Variants in OLA1 observed in about 807,000 individuals in gnomAD.
The protein encoded by OLA1 is obg-like ATPase 1.
OLA1 carries 14 observed loss-of-function variants against 48.4 expected under a neutral mutation model. That is an observed-to-expected ratio of 0.29 (90% CI 0.19 to 0.45). OLA1 has a LOEUF of 0.45. OLA1 is among the 20% of genes least tolerant of loss of function. The probability of loss-of-function intolerance (pLI) is 1.00; values close to 1 mark genes in which losing one functional copy is unlikely to be tolerated. For synonymous variants in OLA1, 127 were observed against 150.4 expected, an observed-to-expected ratio of 0.84 and a Z score of 1.14; for missense variants, 325 against 467.1, an observed-to-expected ratio of 0.70 and a Z score of 2.80.
At chr2:174,189,171 G>T (rs958006034) in intron 4 of OLA1, among the ~76,000 whole-genome samples, 2 of 151,936 alleles carry the variant, frequency 1.3e-5, no homozygotes, top group Admixed American at 1.3e-4. Context: ...GTAGGATCTA[G>T]GTCTCAGTGC....
chr2:174,147,099 A>C (rs1686619919), intron 4 of OLA1, among the ~76,000 whole-genome samples: 1 of 152,218 alleles, frequency 6.6e-6, no homozygotes, highest in South Asian at 2.1e-4. Context: ...ATTAAAATCA[A>C]GTCACACATT....
chr2:174,176,085 C>T (rs1687414519), intron 4 of OLA1, among the ~76,000 whole-genome samples: 1 of 151,956 alleles, frequency 6.6e-6, no homozygotes, highest in African/African-American at 2.4e-5. Context: ...ATGATTGAAA[C>T]ATTGTGTATT....
At chr2:174,089,012 G>C (rs1194566471) in intron 7 of OLA1, among the ~76,000 whole-genome samples, 2 of 152,118 alleles carry the variant, frequency 1.3e-5, no homozygotes. Context: ...ACTTTGCTAC[G>C]CAAAGTGTGA....
intron 7 of OLA1, among the ~76,000 whole-genome samples, chr2:174,110,989 T>C (rs1574487110): frequency 6.6e-6 from 1 of 152,242 alleles, no homozygotes; most frequent in Non-Finnish European, 1.5e-5. Context: ...TCTATGTTCA[T>C]ACACATACAT....
chr2:174,147,295 G>A (rs753009700), intron 4 of OLA1, among the ~76,000 whole-genome samples: 3 of 152,186 alleles, frequency 2.0e-5, no homozygotes, highest in East Asian at 1.9e-4. Context: ...GCATGGTGGT[G>A]CATGCCTGTA....
rs74266615 is a variant in OLA1, at chr2:174,141,803, G to T, written c.549+22C>A. 4,992 of 1,556,524 alleles carry T rather than the reference G, an allele frequency of 3.2e-3. 246 individuals are homozygous for T. The East Asian group carries it at 0.1, about 31-fold the overall frequency. On this transcript the variant is annotated intron_variant, in intron 5 of 10. Coordinates refer to ENST00000284719, the MANE Select transcript of OLA1 (RefSeq NM_013341.5). ...AAAAATAAACTCTTGAGTATCTAAAGAAGCTGTAAATTTTTACTTACATAT... is the reference window on the plus strand; with the variant it reads ...AAAAATAAACTCTTGAGTATCTAAATAAGCTGTAAATTTTTACTTACATAT...
intron 2 of OLA1, among the ~76,000 whole-genome samples, chr2:174,238,963 A>T (rs1688930032): frequency 1.3e-5 from 2 of 152,200 alleles, no homozygotes; most frequent in Admixed American, 1.3e-4. Flanking sequence ...AAATAACAAC[A>T]GTAATGGATT....
chr2:174,196,563 A>G (rs1687881532), intron 4 of OLA1, among the ~76,000 whole-genome samples: 1 of 152,208 alleles, frequency 6.6e-6, no homozygotes, highest in Non-Finnish European at 1.5e-5. Flanking sequence ...TGTAATTTAG[A>G]TTATTCTAGC....
intron 4 of OLA1, among the ~76,000 whole-genome samples, chr2:174,217,650 C>T (rs1688392770): frequency 6.6e-6 from 1 of 152,162 alleles, no homozygotes; most frequent in Non-Finnish European, 1.5e-5. Flanking sequence ...AGCATATCCA[C>T]CACCCCCAAG....
intron 4 of OLA1, among the ~76,000 whole-genome samples, chr2:174,197,756 A>G (rs1181605208): frequency 6.6e-6 from 1 of 152,174 alleles, no homozygotes; most frequent in African/African-American, 2.4e-5. Context: ...GTGATCTACA[A>G]CTTCTCTTAC....
At chr2:174,107,664 G>C (rs1406808510) in intron 7 of OLA1, among the ~76,000 whole-genome samples, 3 of 152,058 alleles carry the variant, frequency 2.0e-5, no homozygotes, top group African/African-American at 7.2e-5. Flanking sequence ...AACAGGGGCT[G>C]AGAATTTGGA....
intron 2 of OLA1, among the ~76,000 whole-genome samples, chr2:174,238,607 T>C (rs1688918585): frequency 6.6e-6 from 1 of 151,410 alleles, no homozygotes; most frequent in African/African-American, 2.4e-5. Context: ...GGAACCCACA[T>C]ACACCACCTG....
Position 174,091,869 on chromosome 2 carries a change from C to CAAAAAAAAAAAAAA in OLA1, c.729-9819_729-9806dup, listed in dbSNP as rs1174747360. 1.3e-3 allele frequency among the ~76,000 whole-genome samples: 31 copies of CAAAAAAAAAAAAAA among 22,982 alleles called. 7 individuals carry two copies. The highest frequency in any genetic ancestry group is 2.4e-3 in the Non-Finnish European group (25 of 10,402). 15.1% of individuals were successfully genotyped at this position (22,982 alleles called of 152,430 possible). On this transcript the variant is annotated intron_variant, in intron 7 of 10. Transcript: ENST00000284719. ...CCTGGGAGACAGCGAGACTCTGCCTCAAAAAAAAAAAAAAAAAAAAAAAAA... is the reference window on the plus strand; with the variant it reads ...CCTGGGAGACAGCGAGACTCTGCCTCAAAAAAAAAAAAAAAAAAAAAAAAAAAAAAAAAAAAAAA...
chr2:174,228,395 A>G (rs894974845), intron 3 of OLA1, among the ~76,000 whole-genome samples: 4 of 152,278 alleles, frequency 2.6e-5, no homozygotes, highest in East Asian at 1.9e-4. Flanking sequence ...AAGTAAAACA[A>G]GTATTCTATT....
intron 4 of OLA1, among the ~76,000 whole-genome samples, chr2:174,169,114 T>G (rs1687239183): frequency 6.6e-6 from 1 of 151,964 alleles, no homozygotes; most frequent in Non-Finnish European, 1.5e-5. Flanking sequence ...CCCAGCTAAT[T>G]TTTTGTATCT....
intron 5 of OLA1, among the ~76,000 whole-genome samples, chr2:174,124,474 A>C (rs1205967410): frequency 1.3e-5 from 2 of 152,220 alleles, no homozygotes; most frequent in African/African-American, 4.8e-5. Context: ...GCAAACAGCA[A>C]GTGACACAAA....
intron 4 of OLA1, among the ~76,000 whole-genome samples, chr2:174,169,368 C>T (rs1476429034): frequency 6.6e-6 from 1 of 152,078 alleles, no homozygotes; most frequent in Non-Finnish European, 1.5e-5. Flanking sequence ...AATTGAAGTG[C>T]AATGCTAAGA....
chr2:174,105,652 T>A (rs1332504182), intron 7 of OLA1, among the ~76,000 whole-genome samples: 1 of 152,032 alleles, frequency 6.6e-6, no homozygotes, highest in Non-Finnish European at 1.5e-5. Flanking sequence ...TAATAAGGAT[T>A]CTAATGAACA....
At chr2:174,157,028 AAT>A (rs1222855831) in intron 4 of OLA1, among the ~76,000 whole-genome samples, 2 of 152,032 alleles carry the variant, frequency 1.3e-5, no homozygotes, top group African/African-American at 4.8e-5. Flanking sequence ...AAAAAAAAAA[AAT>A]GAAAGAAAAC....
Sources: gnomAD v4.1 joint callset for allele counts (sites outside exome capture counted in the v4.1 genomes callset) on GRCh38, gnomAD v4.1.1 for gene constraint, MANE v1.5 for transcripts, NCBI Gene and HGNC (gene_info 2026-07-23, HGNC 2026-07-21) for gene names.